Variants in HM13 observed in about 807,000 individuals in gnomAD.
HM13 encodes the protein histocompatibility minor 13, also known as signal peptide peptidase.
A neutral mutation model predicts 50.0 loss-of-function variants in HM13; 18 were observed. That is an observed-to-expected ratio of 0.36 (90% CI 0.25 to 0.53). HM13 has a LOEUF of 0.53. HM13 is among the 20% of genes least tolerant of loss of function. The pLI, the probability that HM13 is intolerant of heterozygous loss-of-function variation, is 0.90. For synonymous variants in HM13, 197 were observed against 232.6 expected (o/e 0.85, Z 1.39); for missense variants, 393 against 552.4 (o/e 0.71, Z 2.89).
At chr20:31,515,783 C>T (rs1473135455) in intron 1 of HM13, among the ~76,000 whole-genome samples, 1 of 152,304 alleles carries the variant, frequency 6.6e-6, no homozygotes, top group East Asian at 1.9e-4. Flanking sequence ...GTACCAATGA[C>T]TTTTCACTTC....
chr20:31,540,991 AAAG>A (rs2122598737), intron 3 of HM13: 1 of 152,136 alleles, frequency 6.6e-6, no homozygotes, highest in East Asian at 1.9e-4. Context: ...AAAAAAAAAA[AAAG>A]AAATAATTGT....
chr20:31,563,120 A>G (rs763791544), intron 10 of HM13: 3 of 152,338 alleles, frequency 2.0e-5, no homozygotes, highest in Non-Finnish European at 2.9e-5. Flanking sequence ...GAACGCGAAC[A>G]CTACATCAGG....
chr20:31,538,053 C>T, intron 2 of HM13, 126 bp from the exon 3 acceptor site: 1 of 1,065,344 alleles, frequency 9.4e-7, no homozygotes, highest in Admixed American at 2.5e-5. Context: ...TTGTCTGAGA[C>T]TCTTCCTGAC....
intron 8 of HM13, 45 bp from the exon 9 acceptor site, chr20:31,559,566 C>G (rs1441959774): frequency 6.2e-7 from 1 of 1,603,716 alleles, no homozygotes; most frequent in East Asian, 2.2e-5. Context: ...AGTTCACTGC[C>G]CTGCTGCTTC....
intron 4 of HM13, 122 bp downstream of exon 4, chr20:31,545,157 T>G: frequency 1.3e-6 from 1 of 759,438 alleles, no homozygotes; most frequent in Non-Finnish European, 2.3e-6. Context: ...TGGAATTCCA[T>G]GGCCTGGATT....
chr20:31,557,626 T>C (rs1984385953), intron 8 of HM13, among the ~76,000 whole-genome samples: 1 of 151,526 alleles, frequency 6.6e-6, no homozygotes, highest in Non-Finnish European at 1.5e-5. Context: ...TCCCTACTCC[T>C]ACAGAGTATT....
intron 3 of HM13, among the ~76,000 whole-genome samples, chr20:31,542,462 G>A (rs1983500841): frequency 1.3e-5 from 2 of 152,220 alleles, no homozygotes; most frequent in South Asian, 4.1e-4. Flanking sequence ...TTGTCAGTGG[G>A]AAGCAATGAC....
intron 4 of HM13, chr20:31,547,528 GA>G: frequency 1.3e-6 from 1 of 799,006 alleles, no homozygotes; most frequent in South Asian, 1.5e-5. Context: ...TGATGAAAAG[GA>G]AAGTGTGTCC....
rs139809864 is a variant in HM13, at chr20:31,554,780, C to G, written c.759C>G (p.Leu253=). ...CCCAGGATCTGCTGGAGAAAGGCCT[C>G]GAAGCAAACAACTTTGCCATGCTGG... The part of the protein sequence containing the change: ...VFPQDLLEKG[L]EANNFAMLGL... Residue 253 remains leucine, a synonymous_variant, in exon 8 of 13, where the codon CTC becomes CTG. Transcript: ENST00000398174. 6.2e-7 allele frequency: 1 copy of G among 1,614,126 alleles called. No homozygotes were observed. Among genetic ancestry groups the G allele is most frequent in the South Asian group, 1.1e-5 (1 of 91,080 alleles).
At chr20:31,566,367 G>C (rs1984913772) in intron 11 of HM13, 72 bp downstream of exon 11, 1 of 1,261,562 alleles carries the variant, frequency 7.9e-7, no homozygotes. Flanking sequence ...GAACCTGCTG[G>C]GGGTATCTTT....
In HM13 at chr20:31,561,536, A is replaced by C. The variant is rs568690353; in HGVS notation, c.846-98A>C. On this transcript the variant is annotated intron_variant, in intron 9 of 12. Coordinates refer to ENST00000398174, the MANE Select transcript of HM13 (RefSeq NM_178581.3). ...CAGCCCAGAGCTCAGTCACCCCCCC[A>C]CAACCTCTAGGGTCTTCCCCAGCTC... 9.1e-5 allele frequency: 76 copies of C among 832,596 alleles called. No homozygotes were observed. In the South Asian group the frequency reaches 1.0e-3, roughly 11 times the overall value. 51.6% of individuals were successfully genotyped at this position (832,596 alleles called of 1,614,324 possible).
chr20:31,557,703 CTTTTTTTTT>C (rs1180267680), intron 8 of HM13, among the ~76,000 whole-genome samples: 3 of 80,906 alleles, frequency 3.7e-5, no homozygotes, highest in East Asian at 3.4e-4. Context: ...GGCAGTGCTT[CTTTTTTTTT>C]TTTTTTTTTT....
At chr20:31,528,295 T>C (rs1476359744) in intron 2 of HM13, among the ~76,000 whole-genome samples, 2 of 152,140 alleles carry the variant, frequency 1.3e-5, no homozygotes, top group African/African-American at 4.8e-5. Context: ...TCATTAACAT[T>C]TTGGCATATC....
chr20:31,538,896 A>T (rs1374262399), intron 3 of HM13: 1 of 223,206 alleles, frequency 4.5e-6, no homozygotes, highest in Non-Finnish European at 7.5e-6. Context: ...TACTGTCATT[A>T]TCTGTGTTAA....
At chr20:31,538,533 T>C in intron 3 of HM13, 1 of 1,389,322 alleles carries the variant, frequency 7.2e-7, no homozygotes, top group South Asian at 1.8e-5. Context: ...AGTAATGTCA[T>C]GTTAGTTGTG....
chr20:31,527,842 A>G (rs1982588753), intron 2 of HM13: 3 of 393,924 alleles, frequency 7.6e-6, no homozygotes. Flanking sequence ...TGTACTGTTT[A>G]TGTTGGGATG....
intron 4 of HM13, chr20:31,547,358 T>A (rs1358375981): frequency 2.8e-6 from 1 of 355,414 alleles, no homozygotes; most frequent in Non-Finnish European, 5.1e-6. Flanking sequence ...TAAAGCGCGC[T>A]GGCTGTGTCA....
intron 7 of HM13, among the ~76,000 whole-genome samples, chr20:31,550,766 C>T (rs534558008): frequency 1.4e-4 from 21 of 152,220 alleles, no homozygotes; most frequent in African/African-American, 4.8e-4. Context: ...TCACTTGAGG[C>T]CAGCAGTTCA....
Position 31,550,090 on chromosome 20 carries a change from A to G in HM13, c.693A>G (p.Thr231=). The G allele has an allele frequency of 6.2e-7, 1 of 1,613,796 alleles. No homozygotes were observed. The highest frequency in any genetic ancestry group is 8.5e-7 in the Non-Finnish European group (1 of 1,179,866). ...TATTTGGCACCAATGTGATGGTGAC[A>G]GTGGCCAAGTCCTTCGAGGCACCAA... ...FWVFGTNVMV[T]VAKSFEAPIK... The change falls in exon 7 of 13, where the codon ACA becomes ACG. Residue 231 remains threonine (T), a synonymous_variant. Coordinates refer to ENST00000398174, the MANE Select transcript of HM13 (RefSeq NM_178581.3).
Sources: allele counts gnomAD v4.1 joint callset (sites outside exome capture counted in the v4.1 genomes callset), GRCh38; gene constraint gnomAD v4.1.1; transcripts MANE v1.5; gene names NCBI Gene and HGNC (gene_info 2026-07-23, HGNC 2026-07-21).